SCFD1: variants seen among roughly 807,000 people sequenced by gnomAD.
The protein encoded by SCFD1 is sec1 family domain-containing protein 1.
In SCFD1, 37 loss-of-function variants were observed where a neutral mutation model predicts 103.2. The ratio of observed to expected loss-of-function variants is 0.36; its 90% confidence interval spans 0.28 to 0.47. The LOEUF (loss-of-function observed/expected upper bound fraction) is 0.47, where lower values mean the gene tolerates loss of function less well. Among genes scored for constraint, SCFD1 ranks in the 20% least tolerant of loss-of-function variants. SCFD1 has a pLI of 1.00. For missense variants in SCFD1, 639 were observed against 761.2 expected (o/e 0.84, Z 1.89); for synonymous variants, 264 against 245.0 (o/e 1.08, Z -0.73).
Position 30,694,816 on chromosome 14 carries a change from T to C in SCFD1, c.1286T>C (p.Met429Thr). The C allele has an allele frequency of 6.3e-7, 1 of 1,582,070 alleles. No homozygotes were observed. The highest frequency in any genetic ancestry group is 1.2e-5 in the South Asian group (1 of 84,172). The change falls in exon 15 of 25, where the codon ATG becomes ACG. Residue 429 changes from methionine (M) to threonine (T), a missense_variant. Met to Thr is a moderately conservative substitution (Grantham distance 81). Coordinates refer to ENST00000458591, the MANE Select transcript of SCFD1 (RefSeq NM_016106.4). ...TATTTTGAATATGAAGAAAAAATAA[T>C]GAGCAAAACTACTCTGGATAAATCT... ...DVYFEYEEKI[M>T]SKTTLDKSLL...
At chr14:30,656,578 A>G (rs1886927608) in intron 10 of SCFD1, among the ~76,000 whole-genome samples, 1 of 152,144 alleles carries the variant, frequency 6.6e-6, no homozygotes, top group Admixed American at 6.5e-5. Flanking sequence ...CCCGGGTGGC[A>G]GAAAGGGGCA....
At chr14:30,706,303 C>T (rs187631238) in intron 18 of SCFD1, among the ~76,000 whole-genome samples, 1 of 152,220 alleles carries the variant, frequency 6.6e-6, no homozygotes, top group African/African-American at 2.4e-5. Flanking sequence ...CTGTGTGTAT[C>T]TGTGTGGATG....
chr14:30,713,100 A>ATAAT (rs1204701777), intron 19 of SCFD1, among the ~76,000 whole-genome samples: 1 of 152,178 alleles, frequency 6.6e-6, no homozygotes, highest in Non-Finnish European at 1.5e-5. Flanking sequence ...TTCTAAATAT[A>ATAAT]TAATTGATTT....
At chr14:30,629,028 A>G (rs892466941) in intron 2 of SCFD1, among the ~76,000 whole-genome samples, 4 of 152,124 alleles carry the variant, frequency 2.6e-5, no homozygotes, top group African/African-American at 7.2e-5. Context: ...AGTATTCCCT[A>G]ATTTTCTCCT....
chr14:30,634,553 G>A (rs1884516773), intron 4 of SCFD1, among the ~76,000 whole-genome samples: 1 of 152,072 alleles, frequency 6.6e-6, no homozygotes, highest in Non-Finnish European at 1.5e-5. Context: ...AATAACCCCT[G>A]CAAATAAGGG....
At chr14:30,702,412 A>G (rs752707373) in intron 17 of SCFD1, 37 bp downstream of exon 17, 1 of 1,310,746 alleles carries the variant, frequency 7.6e-7, no homozygotes, top group Non-Finnish European at 1.1e-6. Context: ...CTGTCATTTA[A>G]AAGAGTACAA....
At chr14:30,675,702 T>G (rs1888976480) in intron 14 of SCFD1, among the ~76,000 whole-genome samples, 1 of 152,218 alleles carries the variant, frequency 6.6e-6, no homozygotes, top group African/African-American at 2.4e-5. Context: ...ATGCTAAAAC[T>G]TGGCTAATAT....
chr14:30,635,163 CT>C (rs1884596158), intron 4 of SCFD1: 2 of 352,160 alleles, frequency 5.7e-6, no homozygotes, highest in Admixed American at 4.0e-5. Flanking sequence ...CCAGCTTTCT[CT>C]TTTACCCTGC....
intron 10 of SCFD1, chr14:30,658,176 T>A (rs1887091166): frequency 2.3e-6 from 1 of 441,772 alleles, no homozygotes; most frequent in African/African-American, 2.0e-5. Context: ...TGGCCTTTAT[T>A]TTTTCAAATC....
At chr14:30,661,669 G>T (rs1306172503) in intron 10 of SCFD1, among the ~76,000 whole-genome samples, 1 of 152,166 alleles carries the variant, frequency 6.6e-6, no homozygotes, top group Admixed American at 6.5e-5. Flanking sequence ...TCTGTAAATT[G>T]TGTCGTTAGA....
At chr14:30,653,467 T>TC in intron 9 of SCFD1, 22 bp from the exon 10 acceptor site, 1 of 1,504,958 alleles carries the variant, frequency 6.6e-7, no homozygotes. Flanking sequence ...GTTATGTAAT[T>TC]TTTTTATATG....
chr14:30,638,243 C>A lies in SCFD1; in HGVS notation c.431C>A (p.Ala144Asp). ...ALAASAVTQVAKVFDQYLNFI... is the reference protein window; with the variant it reads ...ALAASAVTQVDKVFDQYLNFI... ...GCAGCTAGTGCAGTAACACAAGTAG[C>A]CAAGGTAAGAGAGTTTGGTGGGTTG... Residue 144 changes from alanine (A) to aspartate (D), a missense_variant, in exon 5 of 25, where the codon GCC becomes GAC. Physicochemically the swap from Ala to Asp is moderately radical, Grantham distance 126. Coordinates refer to ENST00000458591, the MANE Select transcript of SCFD1 (RefSeq NM_016106.4). 6.2e-7 allele frequency: 1 copy of A among 1,613,002 alleles called. No homozygotes were observed. The highest frequency in any genetic ancestry group is 1.1e-5 in the South Asian group (1 of 91,036).
In SCFD1 at chr14:30,624,933, T is replaced by A. The variant is rs533772980; in HGVS notation, c.61+2534T>A. 4.6e-5 allele frequency among the ~76,000 whole-genome samples: 7 copies of A among 152,220 alleles called. No homozygotes were observed. In the South Asian group the frequency reaches 6.2e-4, roughly 14 times the overall value. On this transcript the variant is annotated intron_variant, in intron 1 of 24. Coordinates refer to ENST00000458591, the MANE Select transcript of SCFD1 (RefSeq NM_016106.4). ...TAATCTCCATGGCTCACTCCCTCAC[T>A]TCCTTTAGGTCTTTACTCAAATGTT...
At position 30,705,842 on chromosome 14, in the gene SCFD1, T is replaced by A; in HGVS notation, c.1510T>A (p.Ser504Thr). ...TCATAGGGCTTTTACCAAGATGGCC[T>A]CAGCTCCGGCCAGCTATGGCAGCAC... ...KQWKAFTKMA[S>T]APASYGSTTT... The change falls in exon 18 of 25, where the codon TCA becomes ACA. Residue 504 changes from serine (S) to threonine (T), a missense_variant. Ser to Thr is a moderately conservative substitution (Grantham distance 58). Coordinates refer to ENST00000458591, the MANE Select transcript of SCFD1 (RefSeq NM_016106.4). 1.9e-6 allele frequency: 3 copies of A among 1,613,794 alleles called. No homozygotes were observed. Among genetic ancestry groups the A allele is most frequent in the Non-Finnish European group, 2.5e-6 (3 of 1,179,782 alleles).
rs1436592173 is a variant in SCFD1, at chr14:30,643,385, T to C, written c.593T>C (p.Phe198Ser). 2 of 1,612,740 alleles carry C rather than the reference T, an allele frequency of 1.2e-6. No individual in the cohort carries two copies. The highest frequency in any genetic ancestry group is 1.7e-5 in the Admixed American group (1 of 60,000). Residue 198 changes from phenylalanine to serine, a missense_variant, in exon 7 of 25, where the codon TTC becomes TCC. Physicochemically the swap from Phe to Ser is radical, Grantham distance 155 (BLOSUM62 -2). Coordinates refer to ENST00000458591, the MANE Select transcript of SCFD1 (RefSeq NM_016106.4). ...ATGGACACTATAGTTGACAGCCTCTTCTGCTTTTTTGTTACTCTGGGTAAG... is the reference window on the plus strand; with the variant it reads ...ATGGACACTATAGTTGACAGCCTCTCCTGCTTTTTTGTTACTCTGGGTAAG... The part of the protein sequence containing the change: ...TVMDTIVDSL[F>S]CFFVTLGAVP...
chr14:30,626,659 G>A (rs553896177), intron 1 of SCFD1, among the ~76,000 whole-genome samples: 2 of 152,248 alleles, frequency 1.3e-5, no homozygotes, highest in East Asian at 3.9e-4. Context: ...CAGTTCTCCT[G>A]TCCAGCCCAC....
intron 4 of SCFD1, among the ~76,000 whole-genome samples, chr14:30,635,403 C>A (rs1372981853): frequency 6.6e-6 from 1 of 152,066 alleles, no homozygotes; most frequent in Non-Finnish European, 1.5e-5. Context: ...AACCTGGTAC[C>A]ATTTATCACA....
In SCFD1 at chr14:30,700,116, T is replaced by TA. The variant is rs1311940231; in HGVS notation, c.1340-71dup. On this transcript the variant is annotated intron_variant, in intron 15 of 24. Transcript: ENST00000458591. ...TTTATATATGCCTTGAAATGTAACATACTTGTGTTGACTATAATACATAAT... is the reference window on the plus strand; with the variant it reads ...TTTATATATGCCTTGAAATGTAACATAACTTGTGTTGACTATAATACATAAT... 26 of 1,053,446 alleles carry TA rather than the reference T, an allele frequency of 2.5e-5. No individual in the cohort carries two copies. In the African/African-American group the frequency reaches 4.0e-4, roughly 16 times the overall value. 65.3% of individuals were successfully genotyped at this position (1,053,446 alleles called of 1,614,324 possible).
intron 17 of SCFD1, among the ~76,000 whole-genome samples, chr14:30,705,070 A>G (rs1891375379): frequency 6.6e-6 from 1 of 152,110 alleles, no homozygotes; most frequent in East Asian, 1.9e-4. Flanking sequence ...CATCAATCGT[A>G]TTGTTTAGTT....
Sources: gnomAD v4.1 joint callset for allele counts (sites outside exome capture counted in the v4.1 genomes callset) on GRCh38, gnomAD v4.1.1 for gene constraint, MANE v1.5 for transcripts, NCBI Gene and HGNC (gene_info 2026-07-23, HGNC 2026-07-21) for gene names.